STARD3: variants seen among roughly 807,000 people sequenced by gnomAD.
STARD3 encodes the protein StAR related lipid transfer domain containing 3.
In STARD3, 39 loss-of-function variants were observed where a neutral mutation model predicts 62.0. The observed-to-expected ratio is 0.63, with a 90% CI of 0.49 to 0.82. The LOEUF (loss-of-function observed/expected upper bound fraction) is 0.82, where lower values mean the gene tolerates loss of function less well. STARD3 is among the 40% of genes least tolerant of loss of function. STARD3 has a pLI of 0.00. For missense variants in STARD3, 543 were observed against 584.5 expected (o/e 0.93, Z 0.73); for synonymous variants, 229 against 242.4 (o/e 0.94, Z 0.51).
At chr17:39,648,973 C>T (rs1218584204) in intron 1 of STARD3, among the ~76,000 whole-genome samples, 2 of 151,802 alleles carry the variant, frequency 1.3e-5, no homozygotes, top group Non-Finnish European at 2.9e-5. Context: ...AGTAGGCGAG[C>T]GACAGCACCT....
rs960107985 is a variant in STARD3 at position 39,653,007 on chromosome 17, G to A, written c.-51-474G>A. The A allele has an allele frequency of 4.6e-5, 8 of 174,582 alleles. No homozygotes were observed. In the South Asian group the frequency reaches 1.0e-3, roughly 23 times the overall value. 10.8% of individuals were successfully genotyped at this position (174,582 alleles called of 1,614,324 possible). A position where few individuals can be genotyped will look rare whatever the true frequency, so the allele number is the denominator to read the frequency against. On this transcript the variant is annotated intron_variant, in intron 1 of 14. Coordinates refer to ENST00000336308, the MANE Select transcript of STARD3 (RefSeq NM_006804.4). ...AGGCCCTCCCAGTTGCCATGGATTA[G>A]GGGGTGGGAGGGGAAGACTGGCTGC...
At position 39,660,783 on chromosome 17, in the gene STARD3, C is replaced by G. The variant is rs773296023; in HGVS notation, c.955-27C>G. ...TGGGGTTTTCCTGGGGCGACCTGTT[C>G]CAAAAGTCTCCGTTGACGGCCCTCA... On this transcript the variant is annotated intron_variant, in intron 11 of 14. Transcript: ENST00000336308. This position sits in a 1 kb window ranked among gnomAD's most constrained non-coding sequence, Gnocchi z 4.8. The G allele has an allele frequency of 6.4e-7, 1 of 1,556,158 alleles. No homozygotes were observed. Among genetic ancestry groups the G allele is most frequent in the Non-Finnish European group, 8.7e-7 (1 of 1,151,688 alleles).
At chr17:39,648,323 T>C (rs1401106404) in intron 1 of STARD3, among the ~76,000 whole-genome samples, 1 of 151,502 alleles carries the variant, frequency 6.6e-6, no homozygotes, top group African/African-American at 2.4e-5. Context: ...AAAAATTAGC[T>C]GAGCATAATG....
intron 2 of STARD3, among the ~76,000 whole-genome samples, chr17:39,656,676 C>T (rs1045577764): frequency 3.9e-5 from 6 of 152,060 alleles, no homozygotes; most frequent in South Asian, 4.1e-4. Flanking sequence ...GGTGGGCTTT[C>T]GGCGCCCTTC....
At position 39,657,727 on chromosome 17, in the gene STARD3, T is replaced by TG. The variant is rs763070317; in HGVS notation, c.298-42dup. The TG allele has an allele frequency of 7.5e-6, 12 of 1,607,952 alleles. No homozygotes were observed. The East Asian group carries it at 2.0e-4, about 27-fold the overall frequency. ...GAGGGGAGGTCAGCCTGCAGCAGGG[T>TG]GGGGGGCAGTAGCTTCCTGTGACTG... On this transcript the variant is annotated intron_variant, in intron 3 of 14. Coordinates refer to ENST00000336308, the MANE Select transcript of STARD3 (RefSeq NM_006804.4).
rs563699168 is a variant in STARD3, at chr17:39,657,686, C to T, written c.298-89C>T. The T allele has an allele frequency of 4.5e-5, 64 of 1,425,548 alleles. No individual in the cohort carries two copies. The African/African-American group carries it at 7.7e-4, about 17-fold the overall frequency. The allele number at this position is 1,425,548 out of a possible 1,614,324, so 88.3% of individuals were successfully genotyped here. On this transcript the variant is annotated intron_variant, in intron 3 of 14. Transcript: ENST00000336308. ...GGTGTGCATGCCCATAGGAAGGGAA[C>T]GTGGGGGCAGGACCAGAGGGGAGGT...
chr17:39,648,409 G>A (rs1026127698), intron 1 of STARD3, among the ~76,000 whole-genome samples: 1 of 152,238 alleles, frequency 6.6e-6, no homozygotes, highest in African/African-American at 2.4e-5. Context: ...CAAAGCTACA[G>A]TGAGCCATGT....
intron 1 of STARD3, among the ~76,000 whole-genome samples, chr17:39,644,236 C>G (rs560726546): frequency 5.9e-5 from 9 of 152,272 alleles, no homozygotes; most frequent in South Asian, 2.1e-4. Flanking sequence ...TCCCCCTCCC[C>G]CTGAATCCCA....
intron 1 of STARD3, among the ~76,000 whole-genome samples, chr17:39,648,070 G>T (rs980377095): frequency 6.6e-6 from 1 of 152,094 alleles, no homozygotes; most frequent in African/African-American, 2.4e-5. Flanking sequence ...CGGATCACGA[G>T]ATCAGGAGAT....
At chr17:39,661,264 G>A (rs1315942616) in intron 13 of STARD3, 179 bp downstream of exon 13, 2 of 624,310 alleles carry the variant, frequency 3.2e-6, no homozygotes, top group Non-Finnish European at 5.6e-6. Context: ...TGCTCTGTCT[G>A]TGGAGATGGG....
chr17:39,637,301 C>T (rs374708150), intron 1 of STARD3, 70 bp downstream of exon 1: 12 of 152,442 alleles, frequency 7.9e-5, no homozygotes, highest in South Asian at 4.1e-4. Context: ...GAACCCGCTT[C>T]GCCGCCCGCT....
At chr17:39,654,531 G>T (rs1277610839) in intron 2 of STARD3, among the ~76,000 whole-genome samples, 1 of 78,484 alleles carries the variant, frequency 1.3e-5, no homozygotes, top group South Asian at 4.4e-4. Context: ...CCCACCCCAC[G>T]CAGTGCTTGG....
At position 39,662,878 on chromosome 17, in the gene STARD3, G is replaced by A; in HGVS notation, c.1308G>A (p.Gln436=). 1 of 1,612,394 alleles carries A rather than the reference G, an allele frequency of 6.2e-7. No individual in the cohort carries two copies. The highest frequency in any genetic ancestry group is 2.2e-5 in the East Asian group (1 of 44,620). Residue 436 remains glutamine, a synonymous_variant, in exon 15 of 15, where the codon CAG becomes CAA. Coordinates refer to ENST00000336308, the MANE Select transcript of STARD3 (RefSeq NM_006804.4). The stretch of plus-strand genomic sequence containing the variant: ...TTGAATTTGCCTTTCACCTGCGACA[G>A]CGCATCAGCGAGCTGGGGGCCCGGG... ...TMFEFAFHLR[Q]RISELGARA
chr17:39,661,143 C>G, intron 13 of STARD3, 58 bp downstream of exon 13: 1 of 1,512,402 alleles, frequency 6.6e-7, no homozygotes, highest in Non-Finnish European at 9.1e-7. Context: ...GAGCATTGAG[C>G]AGTGCAGGGT....
chr17:39,661,898 G>T (rs2145051482), intron 13 of STARD3, among the ~76,000 whole-genome samples: 1 of 152,316 alleles, frequency 6.6e-6, no homozygotes, highest in African/African-American at 2.4e-5. Flanking sequence ...GAAGGGGAAG[G>T]GGTAAGAAGC....
chr17:39,643,598 C>T (rs553122652), intron 1 of STARD3, among the ~76,000 whole-genome samples: 1 of 152,290 alleles, frequency 6.6e-6, no homozygotes, highest in Admixed American at 6.5e-5. Context: ...CCCTCCTGGG[C>T]CAGCCAGCAG....
chr17:39,644,851 CAAA>C (rs35361174), intron 1 of STARD3, among the ~76,000 whole-genome samples: 2 of 116,854 alleles, frequency 1.7e-5, no homozygotes, highest in Admixed American at 8.9e-5. Context: ...GACAGAGTCT[CAAA>C]AAAAAAAAAA....
chr17:39,663,710 C>T lies in STARD3; in HGVS notation c.*802C>T, dbSNP rs1414911693. ...GATGACTGGTCAGAAAAAAATGCCC[C>T]GCCCCCTGCCAGGCTTCAGCGGGGC... On this transcript the variant is annotated 3_prime_UTR_variant, in exon 15 of 15. Coordinates refer to ENST00000336308, the MANE Select transcript of STARD3 (RefSeq NM_006804.4). 2.0e-5 allele frequency among the ~76,000 whole-genome samples: 3 copies of T among 149,642 alleles called. No homozygotes were observed. Among genetic ancestry groups the T allele is most frequent in the East Asian group, 4.0e-4 (2 of 4,942 alleles).
rs539965505 is a variant in STARD3 at position 39,657,421 on chromosome 17, G to A, written c.297+336G>A. 9.2e-5 allele frequency among the ~76,000 whole-genome samples: 14 copies of A among 152,232 alleles called. No individual in the cohort carries two copies. The East Asian group carries it at 1.5e-3, about 17-fold the overall frequency. ...TCGCACCCATAATCCCAGCTACTTGGGAGGCTGAGGCAGGAGAATCACTTG... is the reference window on the plus strand; with the variant it reads ...TCGCACCCATAATCCCAGCTACTTGAGAGGCTGAGGCAGGAGAATCACTTG... On this transcript the variant is annotated intron_variant, in intron 3 of 14. Coordinates refer to ENST00000336308, the MANE Select transcript of STARD3 (RefSeq NM_006804.4).
Sources: allele counts gnomAD v4.1 joint callset (sites outside exome capture counted in the v4.1 genomes callset), GRCh38; gene constraint gnomAD v4.1.1; non-coding constraint Gnocchi (gnomAD v3.1); transcripts MANE v1.5; gene names NCBI Gene and HGNC (gene_info 2026-07-23, HGNC 2026-07-21).